The following ARHGEF3 variants were observed in gnomAD, a reference collection of about 807,000 sequenced individuals.
ARHGEF3 encodes 59.8 kDA protein.
ARHGEF3 carries 28 observed loss-of-function variants against 63.2 expected under a neutral mutation model. That is an observed-to-expected ratio of 0.44 (90% CI 0.33 to 0.61). ARHGEF3 has a LOEUF of 0.61. ARHGEF3 is among the 20% of genes least tolerant of loss of function. The pLI is 0.03. For synonymous variants in ARHGEF3, 266 were observed against 254.2 expected (o/e 1.05, Z -0.44); for missense variants, 533 against 659.3 (o/e 0.81, Z 2.10).
intron 3 of ARHGEF3, among the ~76,000 whole-genome samples, chr3:56,945,491 G>A (rs1299123610): frequency 6.6e-6 from 1 of 152,160 alleles, no homozygotes; most frequent in African/African-American, 2.4e-5. Context: ...GGCTTGGAGG[G>A]TCCTACGCCC....
intron 8 of ARHGEF3, among the ~76,000 whole-genome samples, chr3:56,734,272 T>C (rs769634639): frequency 1.3e-5 from 2 of 152,180 alleles, no homozygotes; most frequent in Non-Finnish European, 2.9e-5. Flanking sequence ...AACTAGGTTC[T>C]AGCTTTCTGG....
At chr3:56,744,752 G>C (rs1014731121) in intron 7 of ARHGEF3, among the ~76,000 whole-genome samples, 1 of 152,146 alleles carries the variant, frequency 6.6e-6, no homozygotes, top group East Asian at 1.9e-4. Context: ...TAGTGAGCAG[G>C]AGGTTTGACA....
intron 1 of ARHGEF3, among the ~76,000 whole-genome samples, chr3:56,782,770 C>T (rs1431409044): frequency 6.6e-6 from 1 of 152,066 alleles, no homozygotes; most frequent in Non-Finnish European, 1.5e-5. Context: ...AAGCTGCAGA[C>T]AGGCTTTCGG....
intron 2 of ARHGEF3, among the ~76,000 whole-genome samples, chr3:57,005,655 T>C (rs1702439237): frequency 6.6e-6 from 1 of 152,164 alleles, no homozygotes; most frequent in Admixed American, 6.5e-5. Flanking sequence ...ACCTCACTCA[T>C]CCATGTCTGG....
At chr3:57,062,846 C>T (rs555351414) in intron 1 of ARHGEF3, among the ~76,000 whole-genome samples, 1 of 152,074 alleles carries the variant, frequency 6.6e-6, no homozygotes, top group Non-Finnish European at 1.5e-5. Context: ...CTTTTCTTTA[C>T]GGGTTCAACA....
At chr3:56,794,831 G>C (rs893581842) in intron 1 of ARHGEF3, among the ~76,000 whole-genome samples, 2 of 151,824 alleles carry the variant, frequency 1.3e-5, no homozygotes, top group Non-Finnish European at 2.9e-5. Flanking sequence ...TTGTTGTATT[G>C]TTATTTTTTA....
intron 1 of ARHGEF3, among the ~76,000 whole-genome samples, chr3:56,791,815 A>G (rs759801768): frequency 1.5e-4 from 22 of 151,716 alleles, no homozygotes; most frequent in Non-Finnish European, 3.1e-4. Flanking sequence ...AAATGAAGAA[A>G]AAATGAAAAA....
chr3:56,852,965 C>T (rs2039730175), intron 4 of ARHGEF3, among the ~76,000 whole-genome samples: 1 of 152,076 alleles, frequency 6.6e-6, no homozygotes, highest in African/African-American at 2.4e-5. Flanking sequence ...CTAAAAATAG[C>T]CAGAAAGTGC....
intron 2 of ARHGEF3, among the ~76,000 whole-genome samples, chr3:57,030,076 GCA>G (rs1052044497): frequency 1.3e-5 from 2 of 152,192 alleles, no homozygotes; most frequent in African/African-American, 4.8e-5. Flanking sequence ...AGGGCTTCGA[GCA>G]CTATACAAAC....
intron 3 of ARHGEF3, among the ~76,000 whole-genome samples, chr3:56,944,237 T>C (rs1560071478): frequency 6.6e-6 from 1 of 152,118 alleles, no homozygotes; most frequent in Non-Finnish European, 1.5e-5. Context: ...CCATAGACAG[T>C]GTTTCCTCTG....
intron 1 of ARHGEF3, among the ~76,000 whole-genome samples, chr3:57,061,266 T>C (rs1705209621): frequency 6.6e-6 from 1 of 152,214 alleles, no homozygotes; most frequent in Non-Finnish European, 1.5e-5. Context: ...TGGATCAGCA[T>C]GTTGTAGCAT....
At chr3:57,045,615 T>C (rs1249431968) in intron 1 of ARHGEF3, among the ~76,000 whole-genome samples, 2 of 152,168 alleles carry the variant, frequency 1.3e-5, no homozygotes, top group African/African-American at 4.8e-5. Context: ...CACTCAGCAA[T>C]GTTGTCAGGA....
chr3:57,065,760 G>C (rs963717873), intron 1 of ARHGEF3, among the ~76,000 whole-genome samples: 1 of 152,138 alleles, frequency 6.6e-6, no homozygotes, highest in South Asian at 2.1e-4. Context: ...GGTAGCCTGC[G>C]GAACAGGAGA....
chr3:56,801,739 C>G lies in ARHGEF3; in HGVS notation c.60G>C (p.Glu20Asp). ...LTVKRANCSLELPPASGPAKD... is the reference protein window; with the variant it reads ...LTVKRANCSLDLPPASGPAKD... ...TGGCCGGACCGCTGGCCGGGGGTAGCTCCAGGCTGCAGTTCGCTCTCTTGA... is the reference window on the plus strand; with the variant it reads ...TGGCCGGACCGCTGGCCGGGGGTAGGTCCAGGCTGCAGTTCGCTCTCTTGA... The change falls in exon 1 of 10, where the codon GAG (glutamate) becomes GAC (aspartate). Residue 20 changes from glutamate to aspartate, a missense_variant. Coordinates refer to ENST00000296315, the MANE Select transcript of ARHGEF3 (RefSeq NM_019555.3). 1.9e-6 allele frequency: 3 copies of G among 1,568,864 alleles called. No homozygotes were observed. In the South Asian group the frequency reaches 3.5e-5, roughly 18 times the overall value.
At chr3:57,044,377 C>T (rs1210103797) in intron 1 of ARHGEF3, among the ~76,000 whole-genome samples, 4 of 152,192 alleles carry the variant, frequency 2.6e-5, no homozygotes, top group Admixed American at 6.5e-5. Flanking sequence ...GGCAAAGCTG[C>T]ACAGTACCCA....
At chr3:56,941,678 T>TCC (rs1490798436) in intron 3 of ARHGEF3, among the ~76,000 whole-genome samples, 1 of 152,218 alleles carries the variant, frequency 6.6e-6, no homozygotes, top group Admixed American at 6.5e-5. Flanking sequence ...TTTAAAAAAT[T>TCC]CAGACTTTAT....
At position 56,998,437 on chromosome 3, in the gene ARHGEF3, A is replaced by G. The variant is rs543011422; in HGVS notation, c.62+36651T>C. Among the ~76,000 whole-genome samples, 8 of 150,562 alleles carry G rather than the reference A, an allele frequency of 5.3e-5. No individual in the cohort carries two copies. In the East Asian group the frequency reaches 1.4e-3, roughly 26 times the overall value. On this transcript the variant is annotated intron_variant, in intron 2 of 12. Coordinates refer to the ARHGEF3 transcript ENST00000338458. ...TTTTTTTTTTTCCTTCCCTGCAGCC[A>G]AGAGCAACACTGGCTGGACCTTGGT...
In ARHGEF3 at chr3:56,732,542, C is replaced by T. The variant is rs987225725; in HGVS notation, c.1042-118G>A. 3 of 1,202,170 alleles carry T rather than the reference C, an allele frequency of 2.5e-6. No individual in the cohort carries two copies. The South Asian group carries it at 4.2e-5, about 17-fold the overall frequency. 74.5% of individuals were successfully genotyped at this position (1,202,170 alleles called of 1,614,324 possible). On this transcript the variant is annotated intron_variant, in intron 8 of 9. Transcript: ENST00000296315. ...CAGGTTCACACTGGATTATGAACTC[C>T]TAGGTTCAAATCTACCTCCAGGAGA...
intron 2 of ARHGEF3, among the ~76,000 whole-genome samples, chr3:57,023,686 T>G (rs1035324406): frequency 2.0e-5 from 3 of 152,224 alleles, no homozygotes; most frequent in Admixed American, 6.5e-5. Context: ...CACATCTCTG[T>G]GGAGTCCGGA....
Sources: allele counts gnomAD v4.1 joint callset (sites outside exome capture counted in the v4.1 genomes callset), GRCh38; gene constraint gnomAD v4.1.1; transcripts MANE v1.5; gene names NCBI Gene and HGNC (gene_info 2026-07-23, HGNC 2026-07-21).